The following MALRD1 variants were observed in gnomAD, a reference collection of about 807,000 sequenced individuals.
MALRD1 encodes MAM and LDL receptor class A domain containing 1.
Under a neutral mutation model 242.1 loss-of-function variants are expected in MALRD1, and 247 were observed. The observed-to-expected ratio is 1.02, with a 90% CI of 0.92 to 1.13. The LOEUF is 1.13. MALRD1 is among the 50% of genes most tolerant of loss of function. MALRD1 has a pLI of 0.00. For missense variants in MALRD1, 2,989 were observed against 2,533.1 expected (o/e 1.18, Z -3.86); for synonymous variants, 995 against 866.6 (o/e 1.15, Z -2.60).
chr10:19,485,200 G>A (rs1008622752), intron 29 of MALRD1, among the ~76,000 whole-genome samples: 1 of 152,144 alleles, frequency 6.6e-6, no homozygotes, highest in Non-Finnish European at 1.5e-5. Flanking sequence ...AGAGTAGTTC[G>A]AGGGATGAAA....
chr10:19,692,497 T>G lies in MALRD1; in HGVS notation c.6257T>G (p.Met2086Arg), dbSNP rs1833125889. 1.3e-6 allele frequency: 2 copies of G among 1,535,896 alleles called. No individual in the cohort carries two copies. The highest frequency in any genetic ancestry group is 1.4e-5 in the African/African-American group (1 of 72,986). Reference sequence around the variant, plus strand: ...CTGGGTATTGGATTAGCATTCCTGATGACTCACATCACAGTTGCAGTCTTG... The same window carrying G: ...CTGGGTATTGGATTAGCATTCCTGAGGACTCACATCACAGTTGCAGTCTTG... ...TLLGIGLAFLMTHITVAVLCF... is the reference protein window; with the variant it reads ...TLLGIGLAFLRTHITVAVLCF... The change falls in exon 38 of 40, where the codon ATG (methionine) becomes AGG (arginine). Residue 2086 changes from methionine (M) to arginine (R), a missense_variant. Physicochemically the swap from Met to Arg is moderately conservative, Grantham distance 91. Transcript: ENST00000454679.
intron 33 of MALRD1, among the ~76,000 whole-genome samples, chr10:19,583,892 C>T (rs1217642784): frequency 6.6e-6 from 1 of 152,232 alleles, no homozygotes; most frequent in Admixed American, 6.5e-5. Context: ...ATTATTGCCA[C>T]AATTTCAGCT....
intron 1 of MALRD1, among the ~76,000 whole-genome samples, chr10:19,056,368 T>G (rs1834667355): frequency 6.6e-6 from 1 of 152,116 alleles, no homozygotes; most frequent in Admixed American, 6.5e-5. Flanking sequence ...AGTTTAATTC[T>G]CGGTGTTTTA....
At chr10:19,135,941 A>G (rs1833319349) in intron 9 of MALRD1, among the ~76,000 whole-genome samples, 1 of 152,222 alleles carries the variant, frequency 6.6e-6, no homozygotes, top group African/African-American at 2.4e-5. Context: ...TAGCAATTCA[A>G]TTGGTGACAA....
chr10:19,105,113 C>T (rs184609741), intron 5 of MALRD1, among the ~76,000 whole-genome samples: 2 of 151,840 alleles, frequency 1.3e-5, no homozygotes, highest in Admixed American at 1.3e-4. Context: ...GAATTTATTC[C>T]TCCAATCTCT....
At chr10:19,528,862 A>C (rs934753492) in intron 31 of MALRD1, among the ~76,000 whole-genome samples, 2 of 152,166 alleles carry the variant, frequency 1.3e-5, no homozygotes, top group Non-Finnish European at 2.9e-5. Context: ...ACTACCCCCA[A>C]CATTGGACAG....
At chr10:19,139,872 C>G (rs1328451482) in intron 10 of MALRD1, among the ~76,000 whole-genome samples, 1 of 152,060 alleles carries the variant, frequency 6.6e-6, no homozygotes, top group Non-Finnish European at 1.5e-5. Flanking sequence ...GCATATGAAA[C>G]TTTGAGAACC....
chr10:19,102,572 C>A lies in MALRD1; in HGVS notation c.598-1407C>A, dbSNP rs146651481. On this transcript the variant is annotated intron_variant, in intron 4 of 39. Transcript: ENST00000454679. ...CCAGATCAATTGTAAACCTAAAAAT[C>A]TGGGCTGACTTCTTGAAAAATAAAA... Among the ~76,000 whole-genome samples, 10 of 152,184 alleles carry A rather than the reference C, an allele frequency of 6.6e-5. No individual in the cohort carries two copies. In the East Asian group the frequency reaches 1.5e-3, roughly 24 times the overall value.
intron 26 of MALRD1, among the ~76,000 whole-genome samples, chr10:19,359,671 C>G (rs1304673172): frequency 6.8e-6 from 1 of 146,160 alleles, no homozygotes; most frequent in Non-Finnish European, 1.5e-5. Flanking sequence ...GAAAGCAAAG[C>G]AAGTGAAAAA....
chr10:19,211,208 C>G (rs2803834), intron 18 of MALRD1, among the ~76,000 whole-genome samples: 111,872 of 151,832 alleles, frequency 0.74, 41,458 homozygotes, highest in South Asian at 0.85. Flanking sequence ...GTGGGACTAA[C>G]CAAGGAACAC....
At chr10:19,323,890 C>A in intron 21 of MALRD1, 59 bp from the exon 22 acceptor site, 1 of 1,488,818 alleles carries the variant, frequency 6.7e-7, no homozygotes. Flanking sequence ...GGATTACAGG[C>A]GTGAGCCACC....
chr10:19,344,127 C>T (rs548808339), intron 24 of MALRD1, among the ~76,000 whole-genome samples: 2 of 152,162 alleles, frequency 1.3e-5, no homozygotes, highest in Admixed American at 6.6e-5. Context: ...GTTCTTTTAA[C>T]AGGATCATTT....
rs1328770102 is a variant in MALRD1, at chr10:19,331,682, C to T, written c.3901+100C>T. On this transcript the variant is annotated intron_variant, in intron 24 of 39. Transcript: ENST00000454679. Reference sequence around the variant, plus strand: ...TGAAACATGCAGAGTGTGTGTATCTCAACACCAGGGGAAGGTAAGGTGATT... The same window carrying T: ...TGAAACATGCAGAGTGTGTGTATCTTAACACCAGGGGAAGGTAAGGTGATT... The T allele has an allele frequency of 7.8e-6, 7 of 897,480 alleles. No individual in the cohort carries two copies. In the East Asian group the frequency reaches 1.6e-4, roughly 20 times the overall value. The allele number at this position is 897,480 out of a possible 1,614,324, so 55.6% of individuals were successfully genotyped here. A position where few individuals can be genotyped will look rare whatever the true frequency, so the allele number is the denominator to read the frequency against.
chr10:19,730,490 T>G, intron 38 of MALRD1: 1 of 603,410 alleles, frequency 1.7e-6, no homozygotes, highest in Non-Finnish European at 3.0e-6. Flanking sequence ...ACACTCAGAG[T>G]TCAAATTACA....
chr10:19,176,366 C>CTTTTTTTT (rs11443184), intron 14 of MALRD1, among the ~76,000 whole-genome samples: 3,328 of 87,152 alleles, frequency 0.038, 540 homozygotes, highest in Non-Finnish European at 0.062. Flanking sequence ...TTTCTGGGTG[C>CTTTTTTTT]TTTTTTTTTT....
chr10:19,131,204 A>G (rs1833090145), intron 8 of MALRD1, among the ~76,000 whole-genome samples: 1 of 152,182 alleles, frequency 6.6e-6, no homozygotes, highest in Non-Finnish European at 1.5e-5. Context: ...GCTCTTGATG[A>G]AAATGATGAT....
At chr10:19,489,498 T>G in intron 29 of MALRD1, 2 of 544,206 alleles carry the variant, frequency 3.7e-6, no homozygotes, top group Non-Finnish European at 6.7e-6. Flanking sequence ...GCAAGTTGTT[T>G]AGTAGCAGCT....
intron 11 of MALRD1, among the ~76,000 whole-genome samples, chr10:19,152,522 T>A (rs1462021063): frequency 3.3e-5 from 5 of 149,756 alleles, no homozygotes. Flanking sequence ...AAGTTTATAA[T>A]GTTCTTCATA....
intron 14 of MALRD1, 47 bp from the exon 15 acceptor site, chr10:19,203,681 G>C (rs1836653408): frequency 6.8e-7 from 1 of 1,474,974 alleles, no homozygotes; most frequent in Non-Finnish European, 9.0e-7. Flanking sequence ...TCAAAGTGTG[G>C]GAGCAGTTTG....
Sources: allele counts gnomAD v4.1 joint callset (sites outside exome capture counted in the v4.1 genomes callset), GRCh38; gene constraint gnomAD v4.1.1; transcripts MANE v1.5; gene names NCBI Gene and HGNC (gene_info 2026-07-23, HGNC 2026-07-21).